The following BRD7 variants were observed in gnomAD, a reference collection of about 807,000 sequenced individuals.
BRD7 encodes the protein bromodomain-containing protein 7.
BRD7 carries 15 observed loss-of-function variants against 82.1 expected under a neutral mutation model. The ratio of observed to expected loss-of-function variants is 0.18; its 90% CI spans 0.12 to 0.28. The LOEUF is 0.28. BRD7 is among the 10% of genes least tolerant of loss of function. The probability of loss-of-function intolerance (pLI) is 1.00; values close to 1 mark genes in which losing one functional copy is unlikely to be tolerated. For synonymous variants in BRD7, 232 were observed against 266.9 expected, an observed-to-expected ratio of 0.87 and a Z score of 1.27; for missense variants, 638 against 779.9, an observed-to-expected ratio of 0.82 and a Z score of 2.17.
chr16:50,362,719 C>T (rs1240904251), intron 2 of BRD7, among the ~76,000 whole-genome samples: 2 of 152,140 alleles, frequency 1.3e-5, no homozygotes, highest in African/African-American at 2.4e-5. Context: ...TGTATCATTC[C>T]ACTTATAAAA....
chr16:50,335,721 GAAC>G (rs1330245189), intron 6 of BRD7, among the ~76,000 whole-genome samples: 1 of 152,128 alleles, frequency 6.6e-6, no homozygotes, highest in Non-Finnish European at 1.5e-5. Flanking sequence ...ATTCAAACAA[GAAC>G]AACGCAGCCC....
At chr16:50,326,022 A>C in intron 10 of BRD7, 139 bp from the exon 11 acceptor site, 1 of 929,698 alleles carries the variant, frequency 1.1e-6, no homozygotes, top group Non-Finnish European at 1.6e-6. Flanking sequence ...TTTTCTCTCA[A>C]ACAGGTACTT....
chr16:50,368,295 T>C lies in BRD7; in HGVS notation c.53A>G (p.Tyr18Cys). The change falls in exon 2 of 17, where the codon TAT becomes TGT. Residue 18 changes from tyrosine (Y) to cysteine (C), a missense_variant. Transcript: ENST00000394688. Reference protein sequence around the residue: ...HKSDKHLYEEYVEKPLKLVLK... With the variant: ...HKSDKHLYEECVEKPLKLVLK... ...GACCAGCTTCAAGGGCTTCTCTACA[T>C]ACTCTTAAAAAAAGAAAAGAAAAGA... 6.2e-7 allele frequency: 1 copy of C among 1,612,478 alleles called. No individual in the cohort carries two copies. The highest frequency in any genetic ancestry group is 8.5e-7 in the Non-Finnish European group (1 of 1,179,626).
In BRD7 at chr16:50,317,635, A is replaced by G. The variant is rs12918980; in HGVS notation, c.*1576T>C. ...CTCAGATAATAATAGTTTGTAAGTA[A>G]AAGTTTTTAGTTTTCAGTGTTCAGG... On this transcript the variant is annotated 3_prime_UTR_variant, in exon 17 of 17. Transcript: ENST00000394688. 0.041 allele frequency: 6,230 copies of G among 152,468 alleles called. 207 individuals are homozygous for G. Among genetic ancestry groups the G allele is most frequent in the South Asian group, 0.1 (496 of 4,826 alleles). The allele number at this position is 152,468 out of a possible 1,614,324, so 9.4% of individuals were successfully genotyped here. A position where few individuals can be genotyped will look rare whatever the true frequency, so the allele number is the denominator to read the frequency against.
At chr16:50,354,277 G>C in intron 4 of BRD7, 148 bp downstream of exon 4, 1 of 626,856 alleles carries the variant, frequency 1.6e-6, no homozygotes, top group Non-Finnish European at 2.7e-6. Context: ...AGTTAGCCTA[G>C]CCTCTTGGAG....
At chr16:50,340,994 T>C (rs1488741491) in intron 5 of BRD7, among the ~76,000 whole-genome samples, 2 of 152,158 alleles carry the variant, frequency 1.3e-5, no homozygotes, top group Non-Finnish European at 1.5e-5. Flanking sequence ...AACACTTAAA[T>C]AGAACAAAAA....
At chr16:50,327,521 A>T (rs1388458784) in intron 9 of BRD7, among the ~76,000 whole-genome samples, 1 of 152,228 alleles carries the variant, frequency 6.6e-6, no homozygotes, top group East Asian at 1.9e-4. Flanking sequence ...TGAAAACAGC[A>T]CTAGCTCCTT....
At chr16:50,364,097 G>C (rs928896256) in intron 2 of BRD7, among the ~76,000 whole-genome samples, 1 of 151,512 alleles carries the variant, frequency 6.6e-6, no homozygotes, top group African/African-American at 2.4e-5. Context: ...AACATTTTCC[G>C]GTCTCCCTAT....
At chr16:50,352,887 C>A (rs191633875) in intron 4 of BRD7, among the ~76,000 whole-genome samples, 1 of 151,996 alleles carries the variant, frequency 6.6e-6, no homozygotes, top group African/African-American at 2.4e-5. Context: ...TCTGGCCTTA[C>A]GTTGCAAGAA....
intron 2 of BRD7, among the ~76,000 whole-genome samples, chr16:50,363,674 T>A (rs761960082): frequency 1.7e-5 from 1 of 58,140 alleles, no homozygotes; most frequent in African/African-American, 3.6e-5. Context: ...CGCGCGCGCG[T>A]GCGCGTGTGC....
intron 8 of BRD7, among the ~76,000 whole-genome samples, chr16:50,329,956 C>T (rs2037491467): frequency 1.3e-5 from 2 of 152,084 alleles, no homozygotes. Context: ...TTTGGCTGTC[C>T]CCCCTTCCTC....
intron 16 of BRD7, 69 bp downstream of exon 16, chr16:50,319,818 G>T: frequency 6.5e-7 from 1 of 1,540,970 alleles, no homozygotes; most frequent in Non-Finnish European, 8.7e-7. Context: ...TACCAATCTC[G>T]GGCAGACACT....
At chr16:50,320,455 C>A in intron 14 of BRD7, 64 bp from the exon 15 acceptor site, 1 of 1,573,490 alleles carries the variant, frequency 6.4e-7, no homozygotes, top group Non-Finnish European at 8.6e-7. Context: ...ATCCTAGGCT[C>A]TAGGGCTTTG....
rs2037334213 is a variant in BRD7, at chr16:50,326,290, T to A, written c.1189A>T (p.Thr397Ser). Reference protein sequence around the residue: ...GFKEDKRNKVTPVLYLNYGPY... With the variant: ...GFKEDKRNKVSPVLYLNYGPY... ...TCCTATGCAGGAGCCTCACCTGGAG[T>A]GACTTTGTTCCTTTTATCCTCTTTG... is the stretch of plus-strand genomic sequence containing the variant. The change falls in exon 10 of 17, where the codon ACT becomes TCT. Residue 397 changes from threonine (T) to serine (S), a missense_variant. Coordinates refer to ENST00000394688, the MANE Select transcript of BRD7 (RefSeq NM_013263.5). 2 of 1,612,388 alleles carry A rather than the reference T, an allele frequency of 1.2e-6. No individual in the cohort carries two copies. The highest frequency in any genetic ancestry group is 2.7e-5 in the African/African-American group (2 of 74,916).
At chr16:50,326,181 A>AAG in intron 10 of BRD7, 103 bp downstream of exon 10, 1 of 922,270 alleles carries the variant, frequency 1.1e-6, no homozygotes. Flanking sequence ...AAATACCACC[A>AAG]AGATACTGGT....
chr16:50,349,230 A>G lies in BRD7; in HGVS notation c.591+793T>C. ...CTGGACACAGGGTGGGGAACATCAC[A>G]CACCGGGGCCTGTTGTGGGGTGGGG... On this transcript the variant is annotated intron_variant, in intron 5 of 16. Coordinates refer to ENST00000394688, the MANE Select transcript of BRD7 (RefSeq NM_013263.5). 1.0e-5 allele frequency: 2 copies of G among 198,966 alleles called. 1 individual carries two copies. Among genetic ancestry groups the G allele is most frequent in the Middle Eastern group, 4.3e-3 (2 of 462 alleles). The allele number at this position is 198,966 out of a possible 1,614,324, so 12.3% of individuals were successfully genotyped here. A position where few individuals can be genotyped will look rare whatever the true frequency, so the allele number is the denominator to read the frequency against.
At chr16:50,350,691 T>C (rs1233657009) in intron 4 of BRD7, among the ~76,000 whole-genome samples, 1 of 152,216 alleles carries the variant, frequency 6.6e-6, no homozygotes, top group Non-Finnish European at 1.5e-5. Flanking sequence ...AAAAAGGTCC[T>C]CTTAAATACC....
rs934577340 is a variant in BRD7, at chr16:50,349,700, T to C, written c.591+323A>G. 3.2e-5 allele frequency: 14 copies of C among 439,810 alleles called. 1 individual carries two copies. Among genetic ancestry groups the C allele is most frequent in the South Asian group, 2.3e-4 (13 of 57,604 alleles). The allele number at this position is 439,810 out of a possible 1,614,324, so 27.2% of individuals were successfully genotyped here. A position where few individuals can be genotyped will look rare whatever the true frequency, so the allele number is the denominator to read the frequency against. The stretch of plus-strand genomic sequence containing the variant: ...TAGAAATAGAAAAAACCCTCAACTT[T>C]CATTAAAATATTCGTTTTACTTGTA... On this transcript the variant is annotated intron_variant, in intron 5 of 16. Transcript: ENST00000394688.
chr16:50,364,335 C>A (rs1163050696), intron 2 of BRD7, among the ~76,000 whole-genome samples: 1 of 152,140 alleles, frequency 6.6e-6, no homozygotes, highest in Non-Finnish European at 1.5e-5. Context: ...CCCTGGACAT[C>A]CAGAACACAG....
Sources: allele counts gnomAD v4.1 joint callset (sites outside exome capture counted in the v4.1 genomes callset), GRCh38; gene constraint gnomAD v4.1.1; transcripts MANE v1.5; gene names NCBI Gene and HGNC (gene_info 2026-07-23, HGNC 2026-07-21).